ASXL3: variants seen among roughly 807,000 people sequenced by gnomAD.
ASXL3 encodes ASXL transcriptional regulator 3.
In ASXL3, 34 loss-of-function variants were observed where a neutral mutation model predicts 170.6. That is an observed-to-expected ratio of 0.20 (90% CI 0.15 to 0.27). The LOEUF (loss-of-function observed/expected upper bound fraction) is 0.27, where lower values mean the gene tolerates loss of function less well. Ranked by LOEUF, ASXL3 falls within the 10% of genes least tolerant of loss-of-function variation. The pLI is 1.00. For missense variants in ASXL3, 2,592 were observed against 2,695.3 expected, an observed-to-expected ratio of 0.96 and a Z score of 0.85; for synonymous variants, 1,002 against 989.1, an observed-to-expected ratio of 1.01 and a Z score of -0.24.
chr18:33,578,932 C>T (rs2064969935), intron 1 of ASXL3: 2 of 190,696 alleles, frequency 1.0e-5, no homozygotes, highest in South Asian at 1.9e-4. Context: ...GACACTTCTC[C>T]CCGTACTTCG....
intron 2 of ASXL3, among the ~76,000 whole-genome samples, chr18:33,619,049 C>T (rs2065470558): frequency 6.6e-6 from 1 of 152,064 alleles, no homozygotes; most frequent in African/African-American, 2.4e-5. Flanking sequence ...ATGCCAAGGA[C>T]TTTACATAAA....
intron 2 of ASXL3, among the ~76,000 whole-genome samples, chr18:33,621,250 G>T (rs1244552576): frequency 6.6e-6 from 1 of 152,126 alleles, no homozygotes; most frequent in Non-Finnish European, 1.5e-5. Context: ...TCATCTTTAA[G>T]CTTAGAAGAG....
At chr18:33,593,985 T>A (rs1181236881) in intron 1 of ASXL3, among the ~76,000 whole-genome samples, 1 of 152,234 alleles carries the variant, frequency 6.6e-6, no homozygotes, top group Non-Finnish European at 1.5e-5. Context: ...ATTATCCAGA[T>A]GTTTGTATTA....
intron 2 of ASXL3, among the ~76,000 whole-genome samples, chr18:33,633,154 C>T (rs1169790283): frequency 1.3e-5 from 2 of 152,122 alleles, no homozygotes; most frequent in East Asian, 3.9e-4. Flanking sequence ...CCGTCATTAA[C>T]TAGTTACTTT....
chr18:33,583,004 A>G (rs1478083747), intron 1 of ASXL3, among the ~76,000 whole-genome samples: 1 of 152,218 alleles, frequency 6.6e-6, no homozygotes, highest in African/African-American at 2.4e-5. Flanking sequence ...TATGCAATAC[A>G]TTACATTCTA....
intron 8 of ASXL3, among the ~76,000 whole-genome samples, chr18:33,691,290 C>G (rs1164745038): frequency 6.6e-6 from 1 of 152,148 alleles, no homozygotes; most frequent in African/African-American, 2.4e-5. Context: ...CTTCACACTT[C>G]AGGTCACACA....
At chr18:33,723,712 G>A (rs746227540) in intron 8 of ASXL3, among the ~76,000 whole-genome samples, 8 of 152,126 alleles carry the variant, frequency 5.3e-5, no homozygotes, top group East Asian at 1.9e-4. Flanking sequence ...TTTGAAAGAC[G>A]TTCTGCTATG....
At chr18:33,692,154 G>A (rs2066696163) in intron 8 of ASXL3, among the ~76,000 whole-genome samples, 1 of 152,110 alleles carries the variant, frequency 6.6e-6, no homozygotes, top group Non-Finnish European at 1.5e-5. Context: ...GAAATGGCTG[G>A]GATATAATGT....
At chr18:33,689,018 G>A (rs1028815593) in intron 8 of ASXL3, among the ~76,000 whole-genome samples, 1 of 151,122 alleles carries the variant, frequency 6.6e-6, no homozygotes, top group Non-Finnish European at 1.5e-5. Context: ...TTTTTTGATG[G>A]AGTCTTACCC....
At chr18:33,660,720 A>G (rs1006311715) in intron 4 of ASXL3, among the ~76,000 whole-genome samples, 2 of 152,068 alleles carry the variant, frequency 1.3e-5, no homozygotes, top group Admixed American at 6.6e-5. Context: ...CTTCTCCCCC[A>G]GTGTATACAG....
intron 4 of ASXL3, among the ~76,000 whole-genome samples, chr18:33,654,702 AG>A (rs1205796550): frequency 8.6e-6 from 1 of 116,740 alleles, no homozygotes; most frequent in African/African-American, 2.8e-5. Context: ...AAAATAAATA[AG>A]CCTCTGATGT....
chr18:33,590,289 C>G (rs1004552535), intron 1 of ASXL3, among the ~76,000 whole-genome samples: 5 of 151,884 alleles, frequency 3.3e-5, no homozygotes, highest in African/African-American at 1.2e-4. Context: ...GGCCATATCT[C>G]TCTCTTATTT....
At chr18:33,651,447 G>GAAAA (rs941015577) in intron 4 of ASXL3, among the ~76,000 whole-genome samples, 3 of 151,964 alleles carry the variant, frequency 2.0e-5, no homozygotes, top group Non-Finnish European at 4.4e-5. Context: ...GTGTGGGAGA[G>GAAAA]AAAAGTTGGA....
intron 8 of ASXL3, among the ~76,000 whole-genome samples, chr18:33,725,514 T>G (rs2067334958): frequency 6.6e-6 from 1 of 152,158 alleles, no homozygotes. Flanking sequence ...GGACTCTGCT[T>G]TAAGCCACCT....
chr18:33,643,159 C>A (rs1012172941), intron 2 of ASXL3, among the ~76,000 whole-genome samples: 1 of 151,990 alleles, frequency 6.6e-6, no homozygotes, highest in East Asian at 1.9e-4. Flanking sequence ...CTGGCATAAT[C>A]ATTCTTAGCT....
intron 2 of ASXL3, among the ~76,000 whole-genome samples, chr18:33,625,587 T>A (rs2065590328): frequency 6.6e-6 from 1 of 152,158 alleles, no homozygotes; most frequent in South Asian, 2.1e-4. Context: ...TTAGTGAAGA[T>A]GTCCAGAAAA....
chr18:33,615,753 G>A (rs1366845439), intron 2 of ASXL3, among the ~76,000 whole-genome samples: 4 of 152,118 alleles, frequency 2.6e-5, no homozygotes, highest in South Asian at 4.1e-4. Context: ...ATTGAATATG[G>A]TGCTTTTTCT....
chr18:33,666,460 G>A (rs1333885552), intron 5 of ASXL3, among the ~76,000 whole-genome samples: 1 of 152,050 alleles, frequency 6.6e-6, no homozygotes, highest in African/African-American at 2.4e-5. Flanking sequence ...CTCTTTTAGG[G>A]TACCCCTGTG....
chr18:33,583,579 G>A (rs2065010974), intron 1 of ASXL3, among the ~76,000 whole-genome samples: 1 of 152,144 alleles, frequency 6.6e-6, no homozygotes. Context: ...GGATAAAAAT[G>A]TACTTGAAAG....
Sources: allele counts gnomAD v4.1 joint callset (sites outside exome capture counted in the v4.1 genomes callset), GRCh38; gene constraint gnomAD v4.1.1; transcripts MANE v1.5; gene names NCBI Gene and HGNC (gene_info 2026-07-23, HGNC 2026-07-21).